Variants in SIPA1L1 observed in about 807,000 individuals in gnomAD.
SIPA1L1 encodes the protein signal-induced proliferation-associated 1-like protein 1.
A neutral mutation model predicts 162.7 loss-of-function variants in SIPA1L1; 26 were observed. That is an observed-to-expected ratio of 0.16 (90% CI 0.12 to 0.22). The LOEUF (loss-of-function observed/expected upper bound fraction) is 0.22. Ranked by LOEUF, SIPA1L1 falls within the 10% of genes least tolerant of loss-of-function variation. The pLI is 1.00. For synonymous variants in SIPA1L1, 829 were observed against 837.4 expected (o/e 0.99, Z 0.17); for missense variants, 1,874 against 2,241.0 (o/e 0.84, Z 3.31).
At chr14:71,621,858 G>T (rs145819133) in intron 6 of SIPA1L1, among the ~76,000 whole-genome samples, 207 of 150,712 alleles carry the variant, frequency 1.4e-3, no homozygotes, top group Non-Finnish European at 2.5e-3. Flanking sequence ...CCTTCCTCCC[G>T]CTAATATTTA....
intron 2 of SIPA1L1, among the ~76,000 whole-genome samples, chr14:71,415,003 A>T (rs1415390171): frequency 6.6e-6 from 1 of 152,240 alleles, no homozygotes; most frequent in African/African-American, 2.4e-5. Context: ...TATAGGTTTC[A>T]TTATACTTAA....
intron 13 of SIPA1L1, among the ~76,000 whole-genome samples, chr14:71,691,807 T>C (rs1200772583): frequency 6.6e-6 from 1 of 152,210 alleles, no homozygotes; most frequent in South Asian, 2.1e-4. Flanking sequence ...CGCCTTTAAT[T>C]TCCCCAAAAC....
chr14:71,390,740 G>A (rs1054651872), intron 2 of SIPA1L1, among the ~76,000 whole-genome samples: 8 of 152,040 alleles, frequency 5.3e-5, no homozygotes, highest in African/African-American at 1.2e-4. Context: ...AGCTAAGATC[G>A]CACCACTACC....
intron 2 of SIPA1L1, among the ~76,000 whole-genome samples, chr14:71,385,846 C>T (rs2040278305): frequency 6.6e-6 from 1 of 151,994 alleles, no homozygotes; most frequent in Non-Finnish European, 1.5e-5. Flanking sequence ...TGCCACCACG[C>T]CCAGCTAATT....
intron 8 of SIPA1L1, among the ~76,000 whole-genome samples, chr14:71,656,072 T>TTTCA (rs1275841443): frequency 1.3e-5 from 2 of 152,226 alleles, no homozygotes; most frequent in Non-Finnish European, 2.9e-5. Context: ...TTAGCCCTAG[T>TTTCA]TTCATCTCTG....
chr14:71,619,043 G>T (rs536979522), intron 6 of SIPA1L1, among the ~76,000 whole-genome samples, 156 bp downstream of exon 6: 15 of 151,930 alleles, frequency 9.9e-5, no homozygotes, highest in African/African-American at 3.4e-4. Flanking sequence ...AGATCGAGGT[G>T]GACAAGATGG....
intron 5 of SIPA1L1, among the ~76,000 whole-genome samples, chr14:71,614,393 A>T (rs1455528953): frequency 6.6e-6 from 1 of 152,166 alleles, no homozygotes; most frequent in Non-Finnish European, 1.5e-5. Context: ...GAGAAAAAAA[A>T]GACAGTGGAC....
chr14:71,339,851 C>T (rs1420746556), intron 2 of SIPA1L1, among the ~76,000 whole-genome samples: 1 of 152,132 alleles, frequency 6.6e-6, no homozygotes, highest in Non-Finnish European at 1.5e-5. Context: ...ATAAACAAGC[C>T]TGTGAGATAG....
At chr14:71,484,194 A>C (rs2048569244) in intron 2 of SIPA1L1, among the ~76,000 whole-genome samples, 1 of 151,606 alleles carries the variant, frequency 6.6e-6, no homozygotes, top group South Asian at 2.1e-4. Flanking sequence ...TTCACATAGC[A>C]GCTGAGAGGA....
chr14:71,630,071 T>C (rs1201758698), intron 7 of SIPA1L1, among the ~76,000 whole-genome samples: 1 of 152,238 alleles, frequency 6.6e-6, no homozygotes, highest in Non-Finnish European at 1.5e-5. Flanking sequence ...AAACTGATTT[T>C]CTCTAAATGA....
intron 7 of SIPA1L1, among the ~76,000 whole-genome samples, chr14:71,639,407 T>C (rs1036813850): frequency 2.6e-5 from 4 of 152,168 alleles, no homozygotes; most frequent in African/African-American, 9.7e-5. Context: ...AAGTCCTGTC[T>C]CTAAGAAACC....
intron 2 of SIPA1L1, among the ~76,000 whole-genome samples, chr14:71,423,661 T>C (rs1044656940): frequency 2.0e-5 from 3 of 152,172 alleles, no homozygotes; most frequent in Admixed American, 6.5e-5. Flanking sequence ...TTCTATTCCA[T>C]TGGTGTCTGA....
At chr14:71,611,383 TTTTAA>T (rs201662090) in intron 5 of SIPA1L1, among the ~76,000 whole-genome samples, 588 of 152,294 alleles carry the variant, frequency 3.9e-3, no homozygotes, top group Non-Finnish European at 6.4e-3. Flanking sequence ...CTAGTTGTTA[TTTTAA>T]TTTAATTTAA....
intron 4 of SIPA1L1, chr14:71,586,799 T>C (rs2034668536): frequency 1.3e-5 from 2 of 152,190 alleles, no homozygotes; most frequent in Admixed American, 1.3e-4. Context: ...TAGGTTGTAC[T>C]GCATGAGGAA....
At chr14:71,539,091 G>A (rs190550408) in intron 4 of SIPA1L1, among the ~76,000 whole-genome samples, 16 of 152,222 alleles carry the variant, frequency 1.1e-4, no homozygotes, top group South Asian at 2.1e-4. Context: ...GCAGAGAGCC[G>A]CATTGTTTTT....
At chr14:71,692,766 A>G (rs1322203829) in intron 13 of SIPA1L1, among the ~76,000 whole-genome samples, 2 of 152,154 alleles carry the variant, frequency 1.3e-5, no homozygotes, top group East Asian at 3.8e-4. Context: ...TTGGGCCTCG[A>G]AAGTAGCTAT....
chr14:71,400,258 T>G (rs1251796333), intron 2 of SIPA1L1, among the ~76,000 whole-genome samples: 4 of 152,172 alleles, frequency 2.6e-5, no homozygotes, highest in African/African-American at 9.7e-5. Flanking sequence ...GAACCTGTGC[T>G]TTTCTCTGGG....
At chr14:71,448,983 A>G (rs2045616530) in intron 2 of SIPA1L1, 1 of 152,256 alleles carries the variant, frequency 6.6e-6, no homozygotes, top group Non-Finnish European at 1.5e-5. Context: ...TTAAAAAATG[A>G]CAACAGTGTT....
intron 2 of SIPA1L1, among the ~76,000 whole-genome samples, chr14:71,383,439 C>T (rs1251713670): frequency 1.3e-5 from 2 of 152,178 alleles, no homozygotes; most frequent in Non-Finnish European, 2.9e-5. Flanking sequence ...AGGTTTTAAG[C>T]ACATCCTCTC....
Sources: gnomAD v4.1 joint callset for allele counts (sites outside exome capture counted in the v4.1 genomes callset) on GRCh38, gnomAD v4.1.1 for gene constraint, MANE v1.5 for transcripts, NCBI Gene and HGNC (gene_info 2026-07-23, HGNC 2026-07-21) for gene names.